NECTIN2: variants seen among roughly 807,000 people sequenced by gnomAD.
The protein encoded by NECTIN2 is nectin cell adhesion molecule 2.
NECTIN2 carries 23 observed loss-of-function variants against 56.9 expected under a neutral mutation model. That is an observed-to-expected ratio of 0.40 (90% CI 0.29 to 0.57). NECTIN2 has a LOEUF of 0.57. Ranked by LOEUF, NECTIN2 falls within the 20% of genes least tolerant of loss-of-function variation. NECTIN2 has a pLI of 0.38. For missense variants in NECTIN2, 587 were observed against 718.3 expected (o/e 0.82, Z 2.09); for synonymous variants, 302 against 313.8 (o/e 0.96, Z 0.40).
chr19:44,858,570 C>T (rs565892162), intron 1 of NECTIN2, among the ~76,000 whole-genome samples: 89 of 151,944 alleles, frequency 5.9e-4, no homozygotes, highest in Non-Finnish European at 1.2e-3. Flanking sequence ...GTGATCCATC[C>T]GCCTCGGCCT....
Position 44,874,184 on chromosome 19 carries a change from A to C in NECTIN2, c.894-146A>C, listed in dbSNP as rs973354973. On this transcript the variant is annotated intron_variant, in intron 4 of 8. Transcript: ENST00000252483. The surrounding 1 kb of genome is among the most constrained non-coding windows in gnomAD (Gnocchi z 6.3). Reference sequence around the variant, plus strand: ...TAAATTCCTAAGTCCTCCAGGATGAAGGGAGCTTGCATTTTGGCAATTTGG... The same window carrying C: ...TAAATTCCTAAGTCCTCCAGGATGACGGGAGCTTGCATTTTGGCAATTTGG... 8.0e-6 allele frequency: 10 copies of C among 1,255,274 alleles called. No individual in the cohort carries two copies. Among genetic ancestry groups the C allele is most frequent in the Non-Finnish European group, 6.7e-6 (6 of 888,948 alleles). The allele number at this position is 1,255,274 out of a possible 1,614,324, so 77.8% of individuals were successfully genotyped here.
intron 8 of NECTIN2, among the ~76,000 whole-genome samples, chr19:44,887,782 C>T (rs1019365688): frequency 1.6e-4 from 25 of 152,144 alleles, no homozygotes; most frequent in Non-Finnish European, 2.6e-4. Context: ...ACTGAGGTTG[C>T]GCTCAAGGTT....
Position 44,869,466 on chromosome 19 carries a change from G to C in NECTIN2, c.479-2387G>C, listed in dbSNP as rs1392673378. ...AAATTAGCCGGGCGTGGTGGCGGGTGCCTGTAGTCCCAGCTACTTGGGAGG... is the reference window on the plus strand; with the variant it reads ...AAATTAGCCGGGCGTGGTGGCGGGTCCCTGTAGTCCCAGCTACTTGGGAGG... On this transcript the variant is annotated intron_variant, in intron 2 of 8. Transcript: ENST00000252483. 3.3e-5 allele frequency among the ~76,000 whole-genome samples: 5 copies of C among 151,690 alleles called. No individual in the cohort carries two copies. The Admixed American group carries it at 3.3e-4, about 10-fold the overall frequency.
chr19:44,868,792 G>GTCCCTTAC (rs1969135146), intron 2 of NECTIN2, among the ~76,000 whole-genome samples: 2 of 151,864 alleles, frequency 1.3e-5, no homozygotes, highest in African/African-American at 4.8e-5. Flanking sequence ...GGGTGCCTTA[G>GTCCCTTAC]TCCCAGCTAC....
In NECTIN2 at chr19:44,865,767, TC is replaced by T; in HGVS notation, c.478+108del. On this transcript the variant is annotated intron_variant, in intron 2 of 8. Coordinates refer to ENST00000252483, the MANE Select transcript of NECTIN2 (RefSeq NM_001042724.2). This position sits in a 1 kb window ranked among gnomAD's most constrained non-coding sequence, Gnocchi z 5.2. ...GGCTTCAGCTGTGAGGTTCACATTCTCTGTGGGTTTCCATCCATCAGCAAAT... is the reference window on the plus strand; with the variant it reads ...GGCTTCAGCTGTGAGGTTCACATTCTTGTGGGTTTCCATCCATCAGCAAAT... 8.0e-7 allele frequency: 1 copy of T among 1,246,876 alleles called. No individual in the cohort carries two copies. Among genetic ancestry groups the T allele is most frequent in the Non-Finnish European group, 1.1e-6 (1 of 931,394 alleles). 77.2% of individuals were successfully genotyped at this position (1,246,876 alleles called of 1,614,324 possible). A position where few individuals can be genotyped will look rare whatever the true frequency, so the allele number is the denominator to read the frequency against.
At chr19:44,853,223 G>C (rs888656579) in intron 1 of NECTIN2, among the ~76,000 whole-genome samples, 1 of 151,992 alleles carries the variant, frequency 6.6e-6, no homozygotes, top group South Asian at 2.1e-4. Context: ...TTCAGACGGA[G>C]TCTCCCTCTG....
Position 44,875,513 on chromosome 19 carries a change from G to A in NECTIN2, c.1042+1035G>A, listed in dbSNP as rs41290110. ...ACTGCTGACCTCAGGTGATCCACCC[G>A]CCTCGGCCTCACGAAGTGCTGGGAT... On this transcript the variant is annotated intron_variant, in intron 5 of 8. Transcript: ENST00000252483. The surrounding 1 kb of genome is among the most constrained non-coding windows in gnomAD (Gnocchi z 4.2). Among the ~76,000 whole-genome samples the A allele has an allele frequency of 0.028, 4,310 of 152,250 alleles. 125 individuals are homozygous for A. Among genetic ancestry groups the A allele is most frequent in the Admixed American group, 0.1 (1,529 of 15,284 alleles).
intron 1 of NECTIN2, among the ~76,000 whole-genome samples, chr19:44,849,954 G>A (rs766253312): frequency 2.0e-5 from 3 of 152,144 alleles, no homozygotes; most frequent in Non-Finnish European, 2.9e-5. Flanking sequence ...GTATGGTATG[G>A]GAATAATGTC....
At chr19:44,864,012 T>TTACCCCC in intron 1 of NECTIN2, among the ~76,000 whole-genome samples, 1 of 146,622 alleles carries the variant, frequency 6.8e-6, no homozygotes, top group East Asian at 2.2e-4. Flanking sequence ...TTCAGAGGAT[T>TTACCCCC]CCCCCCCCCC....
intron 8 of NECTIN2, among the ~76,000 whole-genome samples, chr19:44,886,882 T>C (rs1334438058): frequency 1.3e-5 from 2 of 151,614 alleles, no homozygotes; most frequent in African/African-American, 4.9e-5. Flanking sequence ...ACATTTTGCG[T>C]CTACAAAAAT....
Position 44,865,100 on chromosome 19 carries a change from C to T in NECTIN2, c.89-171C>T, listed in dbSNP as rs1428124200. ...ATAATAGAATAGTCATTTTAGTCTTCCCTAAAATGTCTTTTCCAGGTGGCT... is the reference window on the plus strand; with the variant it reads ...ATAATAGAATAGTCATTTTAGTCTTTCCTAAAATGTCTTTTCCAGGTGGCT... On this transcript the variant is annotated intron_variant, in intron 1 of 8. Transcript: ENST00000252483. The surrounding 1 kb of genome is among the most constrained non-coding windows in gnomAD (Gnocchi z 5.2). Among the ~76,000 whole-genome samples, 1 of 152,184 alleles carries T rather than the reference C, an allele frequency of 6.6e-6. No homozygotes were observed. Among genetic ancestry groups the T allele is most frequent in the East Asian group, 1.9e-4 (1 of 5,186 alleles).
chr19:44,862,167 G>A (rs954586127), intron 1 of NECTIN2, among the ~76,000 whole-genome samples: 1 of 152,188 alleles, frequency 6.6e-6, no homozygotes, highest in African/African-American at 2.4e-5. Context: ...TGTAATCCTA[G>A]CACTTTGAGA....
chr19:44,871,725 C>G, intron 2 of NECTIN2, 128 bp from the exon 3 acceptor site: 2 of 1,050,320 alleles, frequency 1.9e-6, no homozygotes, highest in South Asian at 3.3e-5. Context: ...CAAGCCAGGC[C>G]GCTGATAAGC....
chr19:44,876,526 C>G (rs556996944), intron 5 of NECTIN2, among the ~76,000 whole-genome samples: 16 of 152,278 alleles, frequency 1.1e-4, no homozygotes, highest in African/African-American at 3.6e-4. Flanking sequence ...TCCAAGCACT[C>G]TAGAAATCCC....
chr19:44,858,165 G>A (rs1014770256), intron 1 of NECTIN2, among the ~76,000 whole-genome samples: 1 of 152,024 alleles, frequency 6.6e-6, no homozygotes, highest in Non-Finnish European at 1.5e-5. Context: ...CTTTTCTCAA[G>A]TTGGGTGGGG....
At chr19:44,867,438 G>A (rs1969114221) in intron 2 of NECTIN2, among the ~76,000 whole-genome samples, 1 of 152,232 alleles carries the variant, frequency 6.6e-6, no homozygotes. Flanking sequence ...AGGCTGCAGT[G>A]AGCTGTGATT....
At chr19:44,848,259 C>G (rs41289512) in intron 1 of NECTIN2, among the ~76,000 whole-genome samples, 3,910 of 152,254 alleles carry the variant, frequency 0.026, 81 homozygotes, top group Non-Finnish European at 0.038. Flanking sequence ...GACCCTGAGC[C>G]TACTGTTAGC....
At chr19:44,878,043 AC>A (rs1491551106) in intron 5 of NECTIN2, among the ~76,000 whole-genome samples, 1 of 111,978 alleles carries the variant, frequency 8.9e-6, no homozygotes, top group Non-Finnish European at 1.9e-5. Flanking sequence ...CTGCTTCCCC[AC>A]CCCCCTCCTC....
chr19:44,871,825 G>T, intron 2 of NECTIN2, 28 bp from the exon 3 acceptor site: 1 of 1,602,458 alleles, frequency 6.2e-7, no homozygotes, highest in South Asian at 1.1e-5. Flanking sequence ...GGTGAGGAGT[G>T]ACGCACCCCC....
Sources: allele counts gnomAD v4.1 joint callset (sites outside exome capture counted in the v4.1 genomes callset), GRCh38; gene constraint gnomAD v4.1.1; non-coding constraint Gnocchi (gnomAD v3.1); transcripts MANE v1.5; gene names NCBI Gene and HGNC (gene_info 2026-07-23, HGNC 2026-07-21).